TBC1D14: variants seen among roughly 807,000 people sequenced by gnomAD.
TBC1D14 encodes the protein TBC1 domain family member 14.
Under a neutral mutation model 79.0 loss-of-function variants are expected in TBC1D14, and 26 were observed. The observed-to-expected ratio is 0.33, with a 90% confidence interval of 0.24 to 0.46. The LOEUF (loss-of-function observed/expected upper bound fraction) is 0.46, where lower values mean the gene tolerates loss of function less well. Ranked by LOEUF, TBC1D14 falls within the 20% of genes least tolerant of loss-of-function variation. The pLI, the probability that TBC1D14 is intolerant of heterozygous loss-of-function variation, is 1.00. For missense variants in TBC1D14, 769 were observed against 887.6 expected, an observed-to-expected ratio of 0.87 and a Z score of 1.70; for synonymous variants, 394 against 349.9, an observed-to-expected ratio of 1.13 and a Z score of -1.40.
At chr4:6,970,030 C>T (rs1447470561) in intron 3 of TBC1D14, among the ~76,000 whole-genome samples, 2 of 152,154 alleles carry the variant, frequency 1.3e-5, no homozygotes, top group African/African-American at 4.8e-5. Context: ...CTGGGGCTGG[C>T]TGCTGTCATA....
chr4:6,996,618 C>T (rs545774966), intron 5 of TBC1D14, among the ~76,000 whole-genome samples: 4 of 151,940 alleles, frequency 2.6e-5, no homozygotes, highest in East Asian at 1.9e-4. Context: ...TGCAGGGACT[C>T]GGGGGGATGT....
At chr4:6,987,555 C>G (rs962820044) in intron 3 of TBC1D14, 4 of 419,112 alleles carry the variant, frequency 9.5e-6, no homozygotes, top group African/African-American at 6.1e-5. Context: ...CTGATGCGCT[C>G]TCCTCCCTGG....
At chr4:7,009,784 G>C in intron 9 of TBC1D14, 93 bp from the exon 10 acceptor site, 1 of 1,220,488 alleles carries the variant, frequency 8.2e-7, no homozygotes, top group Non-Finnish European at 1.2e-6. Flanking sequence ...AAAATAGCAG[G>C]AGTGGCAGCG....
At chr4:6,981,807 T>A (rs566866641) in intron 3 of TBC1D14, among the ~76,000 whole-genome samples, 17 of 152,224 alleles carry the variant, frequency 1.1e-4, no homozygotes, top group Non-Finnish European at 2.5e-4. Context: ...AAGCATTTGA[T>A]AGAATTCAGT....
intron 1 of TBC1D14, among the ~76,000 whole-genome samples, chr4:6,918,111 G>A (rs867865469): frequency 6.6e-6 from 1 of 152,196 alleles, no homozygotes; most frequent in Non-Finnish European, 1.5e-5. Flanking sequence ...CCACCGCAGA[G>A]GAGAGGAGTA....
At chr4:6,967,968 G>A (rs1371909143) in intron 3 of TBC1D14, among the ~76,000 whole-genome samples, 1 of 152,176 alleles carries the variant, frequency 6.6e-6, no homozygotes, top group Non-Finnish European at 1.5e-5. Context: ...GCTCCTTACG[G>A]TGGGAGAGAT....
In TBC1D14 at chr4:6,923,986, G is replaced by C. The variant is rs775206545; in HGVS notation, c.597G>C (p.Gln199His). ...CCCTGGAGAATGACGATGACCCACA[G>C]TTTACCAACGTCACCTTGAGCTCTA... is the stretch of plus-strand genomic sequence containing the variant. ...IVTLENDDDPQFTNVTLSSIK... is the reference protein window; with the variant it reads ...IVTLENDDDPHFTNVTLSSIK... The change falls in exon 2 of 14, where the codon CAG becomes CAC. Residue 199 changes from glutamine to histidine, a missense_variant. Coordinates refer to ENST00000409757, the MANE Select transcript of TBC1D14 (RefSeq NM_020773.3). 1.9e-6 allele frequency: 3 copies of C among 1,614,136 alleles called. No individual in the cohort carries two copies. Among genetic ancestry groups the C allele is most frequent in the Non-Finnish European group, 2.5e-6 (3 of 1,180,026 alleles).
intron 2 of TBC1D14, among the ~76,000 whole-genome samples, chr4:6,936,390 A>G (rs1289656421): frequency 3.3e-5 from 5 of 152,230 alleles, no homozygotes; most frequent in Non-Finnish European, 7.3e-5. Context: ...AGAATGCCAT[A>G]CAGGTGGAAA....
intron 4 of TBC1D14, among the ~76,000 whole-genome samples, chr4:6,995,074 G>A (rs1157857292): frequency 6.6e-6 from 1 of 152,076 alleles, no homozygotes; most frequent in African/African-American, 2.4e-5. Context: ...AGTGAATGTG[G>A]GTCCTGTTGT....
chr4:6,994,177 G>T lies in TBC1D14; in HGVS notation c.844-7G>T. The T allele has an allele frequency of 6.2e-7, 1 of 1,611,680 alleles. No homozygotes were observed. Among genetic ancestry groups the T allele is most frequent in the East Asian group, 2.2e-5 (1 of 44,882 alleles). ...ACCTGGAGTCATCCCTGGTTTCTTT[G>T]TCCTAGGAATATGAAGACAAGGCTG... On this transcript the variant is annotated splice_polypyrimidine_tract_variant and splice_region_variant and intron_variant, in intron 3 of 13. Transcript: ENST00000409757.
chr4:6,924,231 A>T lies in TBC1D14; in HGVS notation c.722+120A>T, dbSNP rs969426046. ...GTTAGGCAGGCACTGTCTCACACAG[A>T]TAATTGGGTCTTTTCCCAGAAGCCC... is the stretch of plus-strand genomic sequence containing the variant. On this transcript the variant is annotated intron_variant, in intron 2 of 13. Coordinates refer to ENST00000409757, the MANE Select transcript of TBC1D14 (RefSeq NM_020773.3). The T allele has an allele frequency of 5.2e-6, 7 of 1,359,200 alleles. No homozygotes were observed. In the African/African-American group the frequency reaches 8.9e-5, roughly 17 times the overall value. The allele number at this position is 1,359,200 out of a possible 1,614,324, so 84.2% of individuals were successfully genotyped here. A position where few individuals can be genotyped will look rare whatever the true frequency, so the allele number is the denominator to read the frequency against.
intron 2 of TBC1D14, among the ~76,000 whole-genome samples, chr4:6,958,259 A>C (rs986059202): frequency 8.4e-6 from 1 of 119,162 alleles, no homozygotes; most frequent in South Asian, 3.1e-4. Flanking sequence ...CACCTTTCCA[A>C]CAGCCTCACC....
intron 12 of TBC1D14, among the ~76,000 whole-genome samples, chr4:7,020,613 G>C (rs10032908): frequency 0.45 from 68,382 of 152,144 alleles, 15,653 homozygotes; most frequent in East Asian, 0.6. Context: ...CTTAATGGGT[G>C]AGACTACCTG....
intron 3 of TBC1D14, among the ~76,000 whole-genome samples, chr4:6,989,573 C>T (rs534676553): frequency 1.1e-3 from 170 of 152,338 alleles, no homozygotes; most frequent in African/African-American, 3.8e-3. Context: ...CCTGGCACAT[C>T]TCACGGTCTC....
At chr4:7,011,295 AT>A (rs1720742985) in intron 11 of TBC1D14, among the ~76,000 whole-genome samples, 1 of 145,914 alleles carries the variant, frequency 6.9e-6, no homozygotes, top group Admixed American at 6.8e-5. Flanking sequence ...TCTAGTCTTT[AT>A]GACACTGCGT....
chr4:6,916,668 C>G (rs1723424359), intron 1 of TBC1D14, among the ~76,000 whole-genome samples: 1 of 152,200 alleles, frequency 6.6e-6, no homozygotes, highest in South Asian at 2.1e-4. Context: ...CAGCTGTCCT[C>G]TTTGCTTCCT....
intron 3 of TBC1D14, among the ~76,000 whole-genome samples, chr4:6,981,985 C>T (rs933827863): frequency 1.3e-5 from 2 of 152,220 alleles, no homozygotes; most frequent in African/African-American, 4.8e-5. Flanking sequence ...TCTTACTATT[C>T]CTGTTCAACA....
chr4:6,999,216 C>T lies in TBC1D14; in HGVS notation c.1163+14C>T. On this transcript the variant is annotated intron_variant, in intron 6 of 13. Transcript: ENST00000409757. ...CTGGGAAACAATGTAAGATGTGGCTCTGGGTGTGGCTGAACTGCAGAGCAT... is the reference window on the plus strand; with the variant it reads ...CTGGGAAACAATGTAAGATGTGGCTTTGGGTGTGGCTGAACTGCAGAGCAT... 6.2e-7 allele frequency: 1 copy of T among 1,602,614 alleles called. No homozygotes were observed. The highest frequency in any genetic ancestry group is 1.1e-5 in the South Asian group (1 of 90,836).
At chr4:6,977,949 G>C (rs1348694477) in intron 3 of TBC1D14, among the ~76,000 whole-genome samples, 1 of 150,376 alleles carries the variant, frequency 6.6e-6, no homozygotes, top group African/African-American at 2.5e-5. Context: ...GAGAAGTGAG[G>C]AGACCCTCTG....
Sources: allele counts gnomAD v4.1 joint callset (sites outside exome capture counted in the v4.1 genomes callset), GRCh38; gene constraint gnomAD v4.1.1; transcripts MANE v1.5; gene names NCBI Gene and HGNC (gene_info 2026-07-23, HGNC 2026-07-21).